Variants in KIRREL1 observed in about 807,000 individuals in gnomAD.
The protein encoded by KIRREL1 is kirre like nephrin family adhesion molecule 1.
Under a neutral mutation model 83.3 loss-of-function variants are expected in KIRREL1, and 25 were observed. That is an observed-to-expected ratio of 0.30 (90% CI 0.22 to 0.42). KIRREL1 has a LOEUF of 0.42. KIRREL1 is among the 10% of genes least tolerant of loss of function. KIRREL1 has a pLI of 1.00. For missense variants in KIRREL1, 812 were observed against 1,032.3 expected (o/e 0.79, Z 2.92); for synonymous variants, 388 against 410.4 (o/e 0.95, Z 0.66).
chr1:158,042,658 G>C (rs1462327692), intron 1 of KIRREL1, among the ~76,000 whole-genome samples: 1 of 152,168 alleles, frequency 6.6e-6, no homozygotes, highest in East Asian at 1.9e-4. Context: ...ACAACAACCT[G>C]AGGTAGGTAC....
chr1:158,052,458 AAT>A (rs773843167), intron 1 of KIRREL1, among the ~76,000 whole-genome samples: 10 of 152,118 alleles, frequency 6.6e-5, no homozygotes, highest in Non-Finnish European at 1.5e-4. Context: ...GCTATAAAGG[AAT>A]ACTGGAGGCT....
rs906177902 is a variant in KIRREL1, at chr1:158,099,642, T to C, written c.*4522T>C. 6.6e-6 allele frequency: 1 copy of C among 152,056 alleles called. No homozygotes were observed. The highest frequency in any genetic ancestry group is 1.5e-5 in the Non-Finnish European group (1 of 68,012). 9.4% of individuals were successfully genotyped at this position (152,056 alleles called of 1,614,324 possible). A position where few individuals can be genotyped will look rare whatever the true frequency, so the allele number is the denominator to read the frequency against. ...GGTACAAACCTGCCCTTATTAATAA[T>C]AACAATAATAATAATAACTCCATTT... On this transcript the variant is annotated 3_prime_UTR_variant, in exon 15 of 15. Coordinates refer to ENST00000359209, the MANE Select transcript of KIRREL1 (RefSeq NM_018240.7).
chr1:158,028,318 G>A (rs1286084499), intron 1 of KIRREL1, among the ~76,000 whole-genome samples: 1 of 152,228 alleles, frequency 6.6e-6, no homozygotes, highest in South Asian at 2.1e-4. Flanking sequence ...GTCTGCCCTT[G>A]AATAAACCCT....
intron 1 of KIRREL1, among the ~76,000 whole-genome samples, chr1:158,009,586 C>T (rs535288102): frequency 2.2e-4 from 33 of 152,298 alleles, no homozygotes; most frequent in African/African-American, 5.5e-4. Flanking sequence ...GTTCTACTTC[C>T]TCGAAAAAGG....
chr1:158,064,344 T>C (rs748260878), intron 1 of KIRREL1, among the ~76,000 whole-genome samples: 1 of 152,232 alleles, frequency 6.6e-6, no homozygotes, highest in Non-Finnish European at 1.5e-5. Flanking sequence ...TAGACTGTTT[T>C]TTGACCTGTT....
Position 158,098,490 on chromosome 1 carries a change from C to T in KIRREL1, c.*3370C>T, listed in dbSNP as rs542749330. Reference sequence around the variant, plus strand: ...AGGTCGGGGAGTAAGCACAGCTGCCCCTGCCTGAGAAGGAGCAGCTTGCAA... The same window carrying T: ...AGGTCGGGGAGTAAGCACAGCTGCCTCTGCCTGAGAAGGAGCAGCTTGCAA... On this transcript the variant is annotated 3_prime_UTR_variant, in exon 15 of 15. Coordinates refer to ENST00000359209, the MANE Select transcript of KIRREL1 (RefSeq NM_018240.7). 6.6e-6 allele frequency: 1 copy of T among 152,368 alleles called. No individual in the cohort carries two copies. The highest frequency in any genetic ancestry group is 2.4e-5 in the African/African-American group (1 of 41,576). 9.4% of individuals were successfully genotyped at this position (152,368 alleles called of 1,614,324 possible).
chr1:158,096,253 C>T lies in KIRREL1; in HGVS notation c.*1133C>T, dbSNP rs1318658392. The T allele has an allele frequency of 3.8e-6, 1 of 260,322 alleles. No individual in the cohort carries two copies. The allele number at this position is 260,322 out of a possible 1,614,324, so 16.1% of individuals were successfully genotyped here. A position where few individuals can be genotyped will look rare whatever the true frequency, so the allele number is the denominator to read the frequency against. On this transcript the variant is annotated 3_prime_UTR_variant, in exon 15 of 15. Coordinates refer to ENST00000359209, the MANE Select transcript of KIRREL1 (RefSeq NM_018240.7). The stretch of plus-strand genomic sequence containing the variant: ...GTTGCCAGACCTGTCACACAGTGGA[C>T]TCTGATAGGGTTACGGAGGGGGCCT...
rs912643 is a variant in KIRREL1 at position 158,096,373 on chromosome 1, T to C, written c.*1253T>C. 1.8e-3 allele frequency: 642 copies of C among 353,918 alleles called. 3 individuals are homozygous for C. Among genetic ancestry groups the C allele is most frequent in the African/African-American group, 0.013 (612 of 46,742 alleles). 21.9% of individuals were successfully genotyped at this position (353,918 alleles called of 1,614,324 possible). A position where few individuals can be genotyped will look rare whatever the true frequency, so the allele number is the denominator to read the frequency against. ...CAGGTTTTGGTTTTTAAGTGTCTTTTTTTTTTTTCTTGGACCAATCAGATT... is the reference window on the plus strand; with the variant it reads ...CAGGTTTTGGTTTTTAAGTGTCTTTCTTTTTTTTCTTGGACCAATCAGATT... On this transcript the variant is annotated 3_prime_UTR_variant, in exon 15 of 15. Coordinates refer to ENST00000359209, the MANE Select transcript of KIRREL1 (RefSeq NM_018240.7).
At chr1:157,998,682 A>G (rs1422095917) in intron 1 of KIRREL1, among the ~76,000 whole-genome samples, 1 of 152,062 alleles carries the variant, frequency 6.6e-6, no homozygotes, top group East Asian at 1.9e-4. Context: ...TCAGCTTCCA[A>G]ATTTGTCTGG....
At chr1:158,093,986 G>A (rs1340173519) in intron 13 of KIRREL1, among the ~76,000 whole-genome samples, 1 of 152,230 alleles carries the variant, frequency 6.6e-6, no homozygotes, top group Non-Finnish European at 1.5e-5. Flanking sequence ...GACTTCCTTT[G>A]CCCCACAGTG....
At position 158,016,205 on chromosome 1, in the gene KIRREL1, G is replaced by A. The variant is rs866473536; in HGVS notation, c.52+22477G>A. ...TGTAGTCCCAGCTACTCAGGAGGCC[G>A]AGGGAGGAGAATGTTGTGAACCCTG... On this transcript the variant is annotated intron_variant, in intron 1 of 14. Coordinates refer to ENST00000359209, the MANE Select transcript of KIRREL1 (RefSeq NM_018240.7). Among the ~76,000 whole-genome samples, 28 of 152,112 alleles carry A rather than the reference G, an allele frequency of 1.8e-4. No homozygotes were observed. The Middle Eastern group carries it at 0.01, about 55-fold the overall frequency.
chr1:157,996,753 C>T (rs149714084), intron 1 of KIRREL1, among the ~76,000 whole-genome samples: 22 of 152,324 alleles, frequency 1.4e-4, no homozygotes, highest in Non-Finnish European at 2.9e-4. Flanking sequence ...TCAGGGGAGA[C>T]ATGGCAGAAA....
intron 1 of KIRREL1, among the ~76,000 whole-genome samples, chr1:158,029,802 T>A (rs775278379): frequency 4.6e-5 from 7 of 152,244 alleles, no homozygotes; most frequent in Non-Finnish European, 1.0e-4. Flanking sequence ...GGGAAAATTA[T>A]CTCTACCTTG....
chr1:158,010,894 G>A (rs1204040817), intron 1 of KIRREL1, among the ~76,000 whole-genome samples: 1 of 152,062 alleles, frequency 6.6e-6, no homozygotes, highest in Non-Finnish European at 1.5e-5. Context: ...AGGGAAGGGA[G>A]GAGAGAGAGA....
At chr1:158,027,097 C>T (rs997066343) in intron 1 of KIRREL1, among the ~76,000 whole-genome samples, 3 of 152,198 alleles carry the variant, frequency 2.0e-5, no homozygotes, top group Admixed American at 6.5e-5. Flanking sequence ...CAATATCAAT[C>T]GCAAGCCCCG....
intron 1 of KIRREL1, among the ~76,000 whole-genome samples, chr1:158,020,251 T>C (rs1659964282): frequency 6.6e-6 from 1 of 151,972 alleles, no homozygotes; most frequent in Non-Finnish European, 1.5e-5. Flanking sequence ...TTTTCTCACC[T>C]CCATACCTAG....
At chr1:158,092,388 C>G (rs968129656) in intron 11 of KIRREL1, among the ~76,000 whole-genome samples, 9 of 136,856 alleles carry the variant, frequency 6.6e-5, no homozygotes, top group African/African-American at 2.5e-4. Flanking sequence ...TGCTCTGTCG[C>G]CCAGGCTGGA....
intron 1 of KIRREL1, among the ~76,000 whole-genome samples, chr1:158,067,887 C>T (rs1421858963): frequency 1.3e-5 from 2 of 152,216 alleles, no homozygotes; most frequent in African/African-American, 2.4e-5. Flanking sequence ...CTGTGGTCTG[C>T]TCAGATGCAA....
At chr1:158,009,195 C>A (rs1659603022) in intron 1 of KIRREL1, among the ~76,000 whole-genome samples, 1 of 152,180 alleles carries the variant, frequency 6.6e-6, no homozygotes, top group Non-Finnish European at 1.5e-5. Context: ...TTCTTCAGGT[C>A]CCCGAGAAGC....
Sources: gnomAD v4.1 joint callset for allele counts (sites outside exome capture counted in the v4.1 genomes callset) on GRCh38, gnomAD v4.1.1 for gene constraint, MANE v1.5 for transcripts, NCBI Gene and HGNC (gene_info 2026-07-23, HGNC 2026-07-21) for gene names.